RBMX2: variants seen among roughly 807,000 people sequenced by gnomAD.
RBMX2 encodes RNA-binding motif protein, X-linked 2.
For synonymous variants in RBMX2, 77 were observed against 94.3 expected (o/e 0.82, Z 1.07); for missense variants, 191 against 256.0 (o/e 0.75, Z 1.73).
At chrX:130,404,959 T>C (rs765725253) in intron 3 of RBMX2, among the ~76,000 whole-genome samples, 2 of 112,785 alleles carry the variant, frequency 1.8e-5, no homozygotes, top group Non-Finnish European at 3.8e-5. Context: ...CTGTTCTACT[T>C]GCATTAAGTA....
At chrX:130,406,655 AGAGT>A (rs1428645937) in intron 3 of RBMX2, among the ~76,000 whole-genome samples, 1 of 100,692 alleles carries the variant, frequency 9.9e-6, no homozygotes, top group Non-Finnish European at 2.0e-5. Context: ...CCTGGGCAAC[AGAGT>A]GAGACTCTGT....
intron 5 of RBMX2, among the ~76,000 whole-genome samples, chrX:130,411,844 C>G (rs1434419066): frequency 9.0e-6 from 1 of 111,418 alleles, no homozygotes; most frequent in Admixed American, 9.5e-5. Context: ...GACAGACATC[C>G]AAGTTGGCTT....
At chrX:130,411,305 G>A in intron 4 of RBMX2, 43 bp from the exon 5 acceptor site, 2 of 1,092,833 alleles carry the variant, frequency 1.8e-6, no homozygotes, top group Non-Finnish European at 2.4e-6. Flanking sequence ...TGACAGTTTG[G>A]TATGAGGGCT....
intron 3 of RBMX2, among the ~76,000 whole-genome samples, chrX:130,408,369 C>T (rs2034495906): frequency 8.9e-6 from 1 of 112,448 alleles, no homozygotes; most frequent in African/African-American, 3.2e-5. Flanking sequence ...TATGTTCATC[C>T]TTTCTCTTCA....
In RBMX2 at chrX:130,412,957, T is replaced by G; in HGVS notation, c.*109T>G. 6 of 825,386 alleles carry G rather than the reference T, an allele frequency of 7.3e-6. No homozygotes were observed. Among genetic ancestry groups the G allele is most frequent in the Non-Finnish European group, 1.0e-5 (6 of 597,550 alleles). The allele number at this position is 825,386 out of a possible 1,213,427, so 68.0% of individuals were successfully genotyped here. On this transcript the variant is annotated 3_prime_UTR_variant, in exon 6 of 6. Coordinates refer to ENST00000305536, the MANE Select transcript of RBMX2 (RefSeq NM_016024.4). ...TCTAAAACTTCTGGGGCTGGATTCT[T>G]TTAATCCCTTGACTATTTAGAGTCA...
intron 2 of RBMX2, 109 bp downstream of exon 2, chrX:130,402,479 C>T (rs918083135): frequency 2.7e-6 from 3 of 1,091,932 alleles, no homozygotes; most frequent in Admixed American, 3.1e-5. Flanking sequence ...CGCCCACCTT[C>T]ATATCCATCT....
At chrX:130,407,768 C>G (rs1322474254) in intron 3 of RBMX2, among the ~76,000 whole-genome samples, 1 of 108,398 alleles carries the variant, frequency 9.2e-6, no homozygotes, top group Non-Finnish European at 1.9e-5. Flanking sequence ...AGTGATCCGC[C>G]CCACGCACCC....
intron 5 of RBMX2, 146 bp downstream of exon 5, chrX:130,411,671 T>A: frequency 1.8e-6 from 1 of 563,892 alleles, no homozygotes. Context: ...GGAGTATCAG[T>A]GGAAGGCTGG....
chrX:130,413,241 A>G lies in RBMX2; in HGVS notation c.*393A>G, dbSNP rs2034524297. ...GGTTTGGACAGCTTGATGTGAACGA[A>G]TGGGATAGGATTTTTAAAATCAGCC... On this transcript the variant is annotated 3_prime_UTR_variant, in exon 6 of 6. Coordinates refer to ENST00000305536, the MANE Select transcript of RBMX2 (RefSeq NM_016024.4). 1 of 113,969 alleles carries G rather than the reference A, an allele frequency of 8.8e-6. No homozygotes were observed. Among genetic ancestry groups the G allele is most frequent in the Non-Finnish European group, 1.8e-5 (1 of 54,618 alleles). 9.4% of individuals were successfully genotyped at this position (113,969 alleles called of 1,213,427 possible).
At position 130,413,561 on chromosome X, in the gene RBMX2, G is replaced by A. The variant is rs1172833261; in HGVS notation, c.*713G>A. On this transcript the variant is annotated 3_prime_UTR_variant, in exon 6 of 6. Transcript: ENST00000305536. ...TGTAGCCATTAAACAAGAGCTCCCC[G>A]TTTCCTCCCTCCTCCCTGTCCCTAG... Among the ~76,000 whole-genome samples, 3 of 109,872 alleles carry A rather than the reference G, an allele frequency of 2.7e-5. No individual in the cohort carries two copies. The highest frequency in any genetic ancestry group is 3.9e-4 in the South Asian group (1 of 2,551).
Position 130,402,265 on chromosome X carries a change from A to C in RBMX2, c.16A>C (p.Lys6Gln). 1 of 1,183,212 alleles carries C rather than the reference A, an allele frequency of 8.5e-7. No homozygotes were observed. Among genetic ancestry groups the C allele is most frequent in the South Asian group, 1.8e-5 (1 of 55,594 alleles). Residue 6 changes from lysine (K) to glutamine (Q), a missense_variant, in exon 2 of 6, where the codon AAG (lysine) becomes CAG (glutamine). By Grantham distance (53) the Lys-to-Gln change is moderately conservative. Coordinates refer to ENST00000305536, the MANE Select transcript of RBMX2 (RefSeq NM_016024.4). ...CCCGCCACCGTGAAGCCCTTTAACTAAGGTGAAGCTGATCAACGAGCTGAA... is the reference window on the plus strand; with the variant it reads ...CCCGCCACCGTGAAGCCCTTTAACTCAGGTGAAGCTGATCAACGAGCTGAA... MNPLTKVKLINELNER... is the reference protein window; with the variant it reads MNPLTQVKLINELNER...
At chrX:130,402,126 G>A in intron 1 of RBMX2, 89 bp downstream of exon 1, 1 of 1,166,027 alleles carries the variant, frequency 8.6e-7, no homozygotes, top group Admixed American at 2.6e-5. Context: ...CTGCGGGGCC[G>A]AGGGGCGGGA....
chrX:130,405,856 TTTTTTTTTTTTTTTTTG>T (rs2034482664), intron 3 of RBMX2, among the ~76,000 whole-genome samples: 1 of 40,654 alleles, frequency 2.5e-5, no homozygotes, highest in Non-Finnish European at 3.7e-5. Context: ...TTTTTTTTTT[TTTTTTTTTTTTTTTTTG>T]AGACGGAGTC....
intron 3 of RBMX2, among the ~76,000 whole-genome samples, chrX:130,408,554 C>G (rs1301710592): frequency 1.3e-4 from 14 of 111,147 alleles, no homozygotes; most frequent in African/African-American, 4.2e-4. Flanking sequence ...CTTTCAAGTT[C>G]TAGTTAGGTA....
intron 5 of RBMX2, 37 bp from the exon 6 acceptor site, chrX:130,412,324 C>T: frequency 9.3e-7 from 1 of 1,070,731 alleles, no homozygotes; most frequent in Non-Finnish European, 1.2e-6. Flanking sequence ...ATTTTTTTCC[C>T]TTTTCTTATT....
Position 130,412,357 on chromosome X carries a change from C to A in RBMX2, c.482-4C>A. 2.7e-6 allele frequency: 3 copies of A among 1,123,354 alleles called. No individual in the cohort carries two copies. The highest frequency in any genetic ancestry group is 3.5e-6 in the Non-Finnish European group (3 of 852,256). The allele number at this position is 1,123,354 out of a possible 1,213,427, so 92.6% of individuals were successfully genotyped here. The stretch of plus-strand genomic sequence containing the variant: ...ATTTACTGCTTCTTTCTTTTATCCT[C>A]CAGACAAAAAGGAAAAAAAGAAAAA... On this transcript the variant is annotated splice_polypyrimidine_tract_variant and splice_region_variant and intron_variant, in intron 5 of 5. Coordinates refer to ENST00000305536, the MANE Select transcript of RBMX2 (RefSeq NM_016024.4).
intron 3 of RBMX2, among the ~76,000 whole-genome samples, chrX:130,407,105 A>G (rs1437448494): frequency 1.9e-5 from 2 of 107,051 alleles, no homozygotes; most frequent in African/African-American, 6.9e-5. Context: ...GAGGGTCAAC[A>G]TGAGTTCCTT....
At position 130,413,565 on chromosome X, in the gene RBMX2, C is replaced by G. The variant is rs1485139150; in HGVS notation, c.*717C>G. On this transcript the variant is annotated 3_prime_UTR_variant, in exon 6 of 6. Transcript: ENST00000305536. ...GCCATTAAACAAGAGCTCCCCGTTT[C>G]CTCCCTCCTCCCTGTCCCTAGCAAC... Among the ~76,000 whole-genome samples, 1 of 110,275 alleles carries G rather than the reference C, an allele frequency of 9.1e-6. No individual in the cohort carries two copies. Among genetic ancestry groups the G allele is most frequent in the Non-Finnish European group, 1.9e-5 (1 of 52,839 alleles).
At position 130,412,888 on chromosome X, in the gene RBMX2, T is replaced by C. The variant is rs1317902380; in HGVS notation, c.*40T>C. 39 of 1,139,171 alleles carry C rather than the reference T, an allele frequency of 3.4e-5. No homozygotes were observed. The highest frequency in any genetic ancestry group is 7.3e-5 in the African/African-American group (4 of 54,531). The allele number at this position is 1,139,171 out of a possible 1,213,427, so 93.9% of individuals were successfully genotyped here. A position where few individuals can be genotyped will look rare whatever the true frequency, so the allele number is the denominator to read the frequency against. ...CAGTAGATTTGGAAATAATTATGTT[T>C]TTTAAATGCAGTCAAATTCAGTTGG... On this transcript the variant is annotated 3_prime_UTR_variant, in exon 6 of 6. Transcript: ENST00000305536.
Sources: allele counts gnomAD v4.1 joint callset (sites outside exome capture counted in the v4.1 genomes callset), GRCh38; gene constraint gnomAD v4.1.1; transcripts MANE v1.5; gene names NCBI Gene and HGNC (gene_info 2026-07-23, HGNC 2026-07-21).